The following SPP1 variants were observed in gnomAD, a reference collection of about 807,000 sequenced individuals.
SPP1 encodes secreted phosphoprotein 1, also known as osteopontin.
A neutral mutation model predicts 20.8 loss-of-function variants in SPP1; 18 were observed. That is an observed-to-expected ratio of 0.87 (90% CI 0.60 to 1.29). The LOEUF is 1.29. Among genes scored for constraint, SPP1 ranks in the 50% most tolerant of loss-of-function variants. The pLI is 0.00. For missense variants in SPP1, 363 were observed against 389.0 expected (o/e 0.93, Z 0.56); for synonymous variants, 146 against 141.5 (o/e 1.03, Z -0.23).
At chr4:87,977,808 G>A in intron 3 of SPP1, 7 of 1,281,988 alleles carry the variant, frequency 5.5e-6, no homozygotes, top group Non-Finnish European at 7.1e-6. Context: ...AGCTGCCTTG[G>A]GGGTCACTGC....
At chr4:87,977,574 A>G (rs1725432133) in intron 3 of SPP1, 1 of 822,712 alleles carries the variant, frequency 1.2e-6, no homozygotes, top group South Asian at 2.6e-5. Flanking sequence ...TGCTGTTTGT[A>G]TCTATTGTGA....
intron 5 of SPP1, among the ~76,000 whole-genome samples, chr4:87,980,999 C>A (rs1359637496): frequency 6.6e-6 from 1 of 152,170 alleles, no homozygotes; most frequent in Non-Finnish European, 1.5e-5. Flanking sequence ...ACATGCATAA[C>A]AGAGTCACCT....
At chr4:87,979,670 T>C (rs1725567504) in intron 3 of SPP1, among the ~76,000 whole-genome samples, 1 of 152,156 alleles carries the variant, frequency 6.6e-6, no homozygotes, top group African/African-American at 2.4e-5. Flanking sequence ...GAAAGCACAG[T>C]GTGAAGTTCG....
intron 5 of SPP1, 149 bp from the exon 6 acceptor site, chr4:87,981,326 C>T: frequency 1.6e-6 from 1 of 627,400 alleles, no homozygotes; most frequent in Non-Finnish European, 2.6e-6. Flanking sequence ...AAGATGCTCA[C>T]TTTAGCTCCT....
At chr4:87,977,869 T>C (rs1490154717) in intron 3 of SPP1, 8 of 1,219,238 alleles carry the variant, frequency 6.6e-6, no homozygotes, top group Non-Finnish European at 8.4e-6. Flanking sequence ...TGTTCGTTTG[T>C]GTGTGGAGGG....
chr4:87,980,368 C>G (rs1725591622), intron 4 of SPP1, 25 bp from the exon 5 acceptor site: 2 of 1,613,494 alleles, frequency 1.2e-6, no homozygotes, highest in African/African-American at 2.7e-5. Flanking sequence ...GTGATGCGCA[C>G]TAACACGTGC....
chr4:87,975,948 G>C (rs1725361308), intron 1 of SPP1, 148 bp downstream of exon 1: 1 of 133,228 alleles, frequency 7.5e-6, no homozygotes, highest in Non-Finnish European at 1.6e-5. Context: ...ATACATTGCA[G>C]GTCTCCTGGA....
Position 87,980,428 on chromosome 4 carries a change from A to T in SPP1, c.210A>T (p.Lys70Asn). Residue 70 changes from lysine (K) to asparagine (N), a missense_variant, in exon 5 of 7, where the codon AAA becomes AAT. Coordinates refer to ENST00000395080, the MANE Select transcript of SPP1 (RefSeq NM_001040058.2). ...CCTCTGAAGAAACCAATGACTTTAAACAAGAGGTAAGTTCTCATTTTCAAT... is the reference window on the plus strand; with the variant it reads ...CCTCTGAAGAAACCAATGACTTTAATCAAGAGGTAAGTTCTCATTTTCAAT... ...AVSSEETNDF[K>N]QETLPSKSNE... 1 of 1,614,138 alleles carries T rather than the reference A, an allele frequency of 6.2e-7. No homozygotes were observed. Among genetic ancestry groups the T allele is most frequent in the Non-Finnish European group, 8.5e-7 (1 of 1,179,984 alleles).
Position 87,981,669 on chromosome 4 carries a change from C to T in SPP1, c.411C>T (p.Pro137=). The change falls in exon 6 of 7, where the codon CCC becomes CCT. Residue 137 remains proline, a synonymous_variant. Transcript: ENST00000395080. ...CTGATGAACTGGTCACTGATTTTCC[C>T]ACGGACCTGCCAGCAACCGAAGTTT... ...DESDELVTDF[P]TDLPATEVFT... The T allele has an allele frequency of 6.2e-7, 1 of 1,614,132 alleles. No homozygotes were observed. The highest frequency in any genetic ancestry group is 8.5e-7 in the Non-Finnish European group (1 of 1,180,034).
intron 3 of SPP1, among the ~76,000 whole-genome samples, chr4:87,978,997 G>A (rs1489510683): frequency 6.6e-6 from 1 of 152,036 alleles, no homozygotes; most frequent in Non-Finnish European, 1.5e-5. Flanking sequence ...AAATAACTTG[G>A]CTAAAGAAAA....
chr4:87,977,629 C>A, intron 3 of SPP1: 2 of 1,097,604 alleles, frequency 1.8e-6, no homozygotes, highest in Non-Finnish European at 1.1e-6. Flanking sequence ...AACATAAGAC[C>A]AACCAAACTC....
intron 2 of SPP1, 32 bp downstream of exon 2, chr4:87,976,981 T>C (rs756491175): frequency 1.2e-6 from 2 of 1,613,134 alleles, no homozygotes; most frequent in African/African-American, 1.3e-5. Flanking sequence ...AGAAAATTCC[T>C]GAAAATAACT....
At chr4:87,976,736 A>G in intron 1 of SPP1, 146 bp from the exon 2 acceptor site, 1 of 551,342 alleles carries the variant, frequency 1.8e-6, no homozygotes, top group South Asian at 3.5e-5. Context: ...CTATAATACT[A>G]AAAAGAAAAG....
intron 3 of SPP1, 114 bp from the exon 4 acceptor site, chr4:87,979,932 C>A: frequency 8.0e-6 from 8 of 996,846 alleles, no homozygotes; most frequent in South Asian, 3.3e-5. Context: ...AAAAAGGTAC[C>A]TAAGGGTCCG....
In SPP1 at chr4:87,982,686, A is replaced by G. The variant is rs34076181; in HGVS notation, c.735A>G (p.Leu245=). 668 of 1,614,150 alleles carry G rather than the reference A, an allele frequency of 4.1e-4. 5 individuals carry two copies. The African/African-American group carries it at 7.8e-3, about 19-fold the overall frequency. ...AETHSHKQSR[L]YKRKANDESN... is the part of the protein sequence containing the mutation. ...CCCACAGCCACAAGCAGTCCAGATTATATAAGCGGAAAGCCAATGATGAGA... is the reference window on the plus strand; with the variant it reads ...CCCACAGCCACAAGCAGTCCAGATTGTATAAGCGGAAAGCCAATGATGAGA... The change falls in exon 7 of 7, where the codon TTA becomes TTG. Residue 245 remains leucine, a synonymous_variant. Transcript: ENST00000395080.
intron 1 of SPP1, among the ~76,000 whole-genome samples, chr4:87,976,437 T>C (rs1725377953): frequency 1.3e-5 from 2 of 152,246 alleles, no homozygotes. Context: ...AAGCTAAAAG[T>C]CACATTTAAA....
intron 5 of SPP1, 149 bp from the exon 6 acceptor site, chr4:87,981,326 C>A (rs1196546643): frequency 3.2e-6 from 2 of 627,400 alleles, no homozygotes; most frequent in Non-Finnish European, 5.3e-6. Context: ...AAGATGCTCA[C>A]TTTAGCTCCT....
rs1725400189 is a variant in SPP1 at position 87,976,912 on chromosome 4, T to A, written c.17T>A (p.Ile6Asn). The A allele has an allele frequency of 2.5e-6, 4 of 1,613,550 alleles. No homozygotes were observed. The highest frequency in any genetic ancestry group is 1.3e-5 in the African/African-American group (1 of 75,052). ...CTCACTACCATGAGAATTGCAGTGA[T>A]TTGCTTTTGCCTCCTAGGCATCACC... is the stretch of plus-strand genomic sequence containing the variant. MRIAV[I>N]CFCLLGITCA... The change falls in exon 2 of 7, where the codon ATT becomes AAT. Residue 6 changes from isoleucine to asparagine, a missense_variant. By Grantham distance (149) the Ile-to-Asn change is moderately radical. Transcript: ENST00000395080.
At chr4:87,976,301 CA>C (rs1349839618) in intron 1 of SPP1, among the ~76,000 whole-genome samples, 1 of 152,140 alleles carries the variant, frequency 6.6e-6, no homozygotes, top group African/African-American at 2.4e-5. Context: ...CTTATTATTA[CA>C]AATAGAAAAG....
Sources: allele counts gnomAD v4.1 joint callset (sites outside exome capture counted in the v4.1 genomes callset), GRCh38; gene constraint gnomAD v4.1.1; transcripts MANE v1.5; gene names NCBI Gene and HGNC (gene_info 2026-07-23, HGNC 2026-07-21).